LETM2: variants seen among roughly 807,000 people sequenced by gnomAD.
LETM2 encodes leucine zipper and EF-hand containing transmembrane protein 2.
Under a neutral mutation model 59.6 loss-of-function variants are expected in LETM2, and 58 were observed. The observed-to-expected ratio is 0.97, with a 90% CI of 0.79 to 1.21. The LOEUF is 1.21. Among genes scored for constraint, LETM2 ranks in the 50% most tolerant of loss-of-function variants. The pLI, the probability that LETM2 is intolerant of heterozygous loss-of-function variation, is 0.00. For synonymous variants in LETM2, 199 were observed against 214.1 expected, an observed-to-expected ratio of 0.93 and a Z score of 0.62; for missense variants, 572 against 575.7, an observed-to-expected ratio of 0.99 and a Z score of 0.07.
chr8:38,393,056 C>T (rs563029294), intron 3 of LETM2, 61 bp downstream of exon 3: 2 of 1,361,588 alleles, frequency 1.5e-6, no homozygotes, highest in Admixed American at 4.3e-5. Context: ...TTTGGGAACT[C>T]AACTATTTAA....
chr8:38,388,109 C>T (rs957175271), intron 2 of LETM2, 79 bp downstream of exon 2: 9 of 943,536 alleles, frequency 9.5e-6, no homozygotes, highest in East Asian at 8.0e-5. Flanking sequence ...GAGATGGAGT[C>T]GCACTCTGTC....
At chr8:38,402,403 C>T (rs569792303) in intron 6 of LETM2, 122 bp from the exon 7 acceptor site, 74 of 1,083,298 alleles carry the variant, frequency 6.8e-5, no homozygotes, top group Non-Finnish European at 9.8e-5. Flanking sequence ...TTTGCAGTAG[C>T]AGCCAGTGCA....
At chr8:38,385,798 G>C (rs576930885), upstream of LETM2, among the ~76,000 whole-genome samples, 1 of 152,326 alleles carries the variant, frequency 6.6e-6, no homozygotes, top group South Asian at 2.1e-4. Context: ...ATTTTCCCAA[G>C]ATGGCTCAGT....
rs1465716996 is a variant in LETM2 at position 38,394,078 on chromosome 8, A to C, written c.502-20A>C. ...CATGCCCTAAAATAATGAATATTGC[A>C]TATGCATTTAATTCTATAGCTGTTG... is the stretch of plus-strand genomic sequence containing the variant. On this transcript the variant is annotated intron_variant, in intron 3 of 10. Transcript: ENST00000379957. 7.0e-7 allele frequency: 1 copy of C among 1,423,538 alleles called. No individual in the cohort carries two copies. The highest frequency in any genetic ancestry group is 1.5e-5 in the African/African-American group (1 of 68,810). 88.2% of individuals were successfully genotyped at this position (1,423,538 alleles called of 1,614,324 possible). A position where few individuals can be genotyped will look rare whatever the true frequency, so the allele number is the denominator to read the frequency against.
chr8:38,404,113 G>T (rs1166572327), intron 7 of LETM2, among the ~76,000 whole-genome samples: 1 of 152,188 alleles, frequency 6.6e-6, no homozygotes, highest in Non-Finnish European at 1.5e-5. Context: ...TCCAACAGAA[G>T]ATACTTGACT....
chr8:38,404,429 T>G lies in LETM2; in HGVS notation c.1141T>G (p.Ser381Ala). The change falls in exon 8 of 11, where the codon TCC becomes GCC. Residue 381 changes from serine (S) to alanine (A), a missense_variant. Physicochemically the swap from Ser to Ala is moderately conservative, Grantham distance 99 (BLOSUM62 1). Transcript: ENST00000379957. The part of the protein sequence containing the change: ...DLHLKENVPP[S>A]LLLLSRTFYL... The stretch of plus-strand genomic sequence containing the variant: ...CCACCTGAAGGAGAACGTCCCTCCT[T>G]CCCTTTTGCTCCTGTCCCGCACCTT... 3.7e-6 allele frequency: 6 copies of G among 1,613,982 alleles called. No individual in the cohort carries two copies. The highest frequency in any genetic ancestry group is 5.1e-6 in the Non-Finnish European group (6 of 1,179,948).
At chr8:38,382,907 AG>A (rs1811636363), upstream of LETM2, 1 of 152,162 alleles carries the variant, frequency 6.6e-6, no homozygotes, top group African/African-American at 2.4e-5. The surrounding 1 kb of genome is among the most constrained non-coding windows in gnomAD (Gnocchi z 4.2). Context: ...GGTTGCAAGC[AG>A]TAGGAGACCC....
At chr8:38,403,213 A>C (rs1262885428) in intron 7 of LETM2, among the ~76,000 whole-genome samples, 1 of 152,208 alleles carries the variant, frequency 6.6e-6, no homozygotes, top group Non-Finnish European at 1.5e-5. Flanking sequence ...AGGCCCATCC[A>C]AAGAATCTCC....
intron 4 of LETM2, chr8:38,396,969 G>T: frequency 2.6e-6 from 1 of 379,136 alleles, no homozygotes; most frequent in Non-Finnish European, 5.2e-6. Context: ...GTGACTAGTG[G>T]AACAGTAGGT....
chr8:38,395,137 C>T (rs896154632), intron 4 of LETM2, among the ~76,000 whole-genome samples: 6 of 152,136 alleles, frequency 3.9e-5, no homozygotes, highest in African/African-American at 9.7e-5. Context: ...AAGGACACCT[C>T]GATTGCTTCC....
chr8:38,392,991 G>A lies in LETM2; in HGVS notation c.497G>A (p.Arg166Gln), dbSNP rs764943977. The change falls in exon 3 of 11, where the codon CGA becomes CAA. Residue 166 changes from arginine to glutamine, a missense_variant. Transcript: ENST00000379957. ...CAGGTCCTGACCAGACGAGAGAGAC[G>A]AAGGGTAGGCAAGAATCATATTTGA... is the stretch of plus-strand genomic sequence containing the variant. ...HGQVLTRRER[R>Q]RLLRTCVDFF... is the part of the protein sequence containing the mutation. 14 of 1,592,710 alleles carry A rather than the reference G, an allele frequency of 8.8e-6. No homozygotes were observed. The highest frequency in any genetic ancestry group is 4.5e-5 in the South Asian group (4 of 89,780).
chr8:38,408,267 G>A lies in LETM2; in HGVS notation c.1469G>A (p.Gly490Glu). The A allele has an allele frequency of 6.2e-7, 1 of 1,612,518 alleles. No homozygotes were observed. Among genetic ancestry groups the A allele is most frequent in the South Asian group, 1.1e-5 (1 of 90,596 alleles). Residue 490 changes from glycine to glutamate, a missense_variant, in exon 11 of 11, where the codon GGA becomes GAA. By Grantham distance (98) the Gly-to-Glu change is moderately conservative (BLOSUM62 -2). Transcript: ENST00000379957. ...TAQNSKASSK[G>E]A ...CAGAACAGCAAGGCTAGTTCAAAAG[G>A]AGCATAAAGGACTACTTGAGGATGG... is the stretch of plus-strand genomic sequence containing the variant.
At chr8:38,391,696 ATT>A (rs796801607) in intron 2 of LETM2, among the ~76,000 whole-genome samples, 1 of 134,648 alleles carries the variant, frequency 7.4e-6, no homozygotes. Context: ...CCCAATTCTA[ATT>A]TTTTTTTTTT....
At chr8:38,386,721 A>T (rs890099575) in intron 1 of LETM2, 153 bp downstream of exon 1, 3 of 152,168 alleles carry the variant, frequency 2.0e-5, no homozygotes, top group Admixed American at 6.6e-5. Flanking sequence ...GCTCTCCTCC[A>T]CCCACGACCT....
Position 38,392,864 on chromosome 8 carries a change from C to CA in LETM2, c.376dup (p.Ile126AsnfsTer4), listed in dbSNP as rs771586592. 15 of 1,614,058 alleles carry CA rather than the reference C, an allele frequency of 9.3e-6. No homozygotes were observed. In the Admixed American group the frequency reaches 2.3e-4, roughly 25 times the overall value. On this transcript the variant is annotated frameshift_variant, in exon 3 of 11. Transcript: ENST00000379957. LOFTEE classifies it high-confidence loss of function. ...TAAAGAAGGCAAACAATCTTATAGA[C>CA]AAAAAATCATGGATGAACTAAAATA...
intron 2 of LETM2, among the ~76,000 whole-genome samples, chr8:38,390,273 A>G (rs1812119323): frequency 6.6e-6 from 1 of 151,918 alleles, no homozygotes; most frequent in Non-Finnish European, 1.5e-5. Flanking sequence ...GCTTTAGCCC[A>G]GGGGTTTGAG....
chr8:38,387,552 A>G (rs890856613), intron 1 of LETM2, among the ~76,000 whole-genome samples: 3 of 152,200 alleles, frequency 2.0e-5, no homozygotes, highest in Non-Finnish European at 2.9e-5. Flanking sequence ...TAAATATAGA[A>G]CAATGCTAAC....
In LETM2 at chr8:38,408,237, C is replaced by T. The variant is rs150451779; in HGVS notation, c.1439C>T (p.Thr480Met). 3,801 of 1,612,832 alleles carry T rather than the reference C, an allele frequency of 2.4e-3. 11 individuals carry two copies. Among genetic ancestry groups the T allele is most frequent in the Non-Finnish European group, 2.9e-3 (3,394 of 1,179,452 alleles). ...ACACTCCAGGCCAAATCACAAATGACGGCCCAGAACAGCAAGGCTAGTTCA... is the reference window on the plus strand; with the variant it reads ...ACACTCCAGGCCAAATCACAAATGATGGCCCAGAACAGCAAGGCTAGTTCA... ...EPTLQAKSQMTAQNSKASSKG... is the reference protein window; with the variant it reads ...EPTLQAKSQMMAQNSKASSKG... Residue 480 changes from threonine to methionine, a missense_variant, in exon 11 of 11, where the codon ACG (threonine) becomes ATG (methionine). Physicochemically the swap from Thr to Met is moderately conservative, Grantham distance 81 (BLOSUM62 -1). Coordinates refer to ENST00000379957, the MANE Select transcript of LETM2 (RefSeq NM_001286819.2).
chr8:38,393,097 A>G (rs1812429071), intron 3 of LETM2, 102 bp downstream of exon 3: 2 of 1,046,596 alleles, frequency 1.9e-6, no homozygotes, highest in Admixed American at 4.7e-5. Flanking sequence ...TAAAAATCCC[A>G]GAGTAGGAAT....
Sources: allele counts gnomAD v4.1 joint callset (sites outside exome capture counted in the v4.1 genomes callset), GRCh38; gene constraint gnomAD v4.1.1; non-coding constraint Gnocchi (gnomAD v3.1); transcripts MANE v1.5; gene names NCBI Gene and HGNC (gene_info 2026-07-23, HGNC 2026-07-21).